Variants in TOX3 observed in about 807,000 individuals in gnomAD.
TOX3 encodes the protein TOX high mobility group box family member 3.
TOX3 carries 22 observed loss-of-function variants against 64.3 expected under a neutral mutation model. The observed-to-expected ratio is 0.34, with a 90% confidence interval of 0.24 to 0.49. TOX3 has a LOEUF of 0.49. Among genes scored for constraint, TOX3 ranks in the 20% least tolerant of loss-of-function variants. The pLI is 0.99. For synonymous variants in TOX3, 291 were observed against 273.6 expected (o/e 1.06, Z -0.63); for missense variants, 661 against 714.4 (o/e 0.93, Z 0.85).
chr16:52,438,921 T>C lies in TOX3; in HGVS notation c.*304A>G. The C allele has an allele frequency of 1.8e-6, 1 of 555,054 alleles. No homozygotes were observed. Among genetic ancestry groups the C allele is most frequent in the Non-Finnish European group, 3.5e-6 (1 of 284,234 alleles). 34.4% of individuals were successfully genotyped at this position (555,054 alleles called of 1,614,324 possible). ...AGGCCAGTTTATAGTCATCAGTATG[T>C]CCCAGGATTCATTAAACAGTTTGAT... On this transcript the variant is annotated 3_prime_UTR_variant, in exon 7 of 7. Transcript: ENST00000219746.
At chr16:52,537,366 A>G (rs964340745) in intron 1 of TOX3, among the ~76,000 whole-genome samples, 12 of 152,284 alleles carry the variant, frequency 7.9e-5, no homozygotes, top group African/African-American at 2.4e-4. Context: ...AGGTTTCTTG[A>G]AGGCAGACCA....
chr16:52,497,767 T>C lies in TOX3; in HGVS notation c.88-29193A>G, dbSNP rs189844243. ...TAATATCTCAGGAGCTAGATGTCCT[T>C]ACAGAGCCAGTTGTGTTTTTTTTAA... On this transcript the variant is annotated intron_variant, in intron 1 of 6. Coordinates refer to ENST00000219746, the MANE Select transcript of TOX3 (RefSeq NM_001080430.4). 2.6e-5 allele frequency among the ~76,000 whole-genome samples: 4 copies of C among 152,266 alleles called. No individual in the cohort carries two copies. In the East Asian group the frequency reaches 7.7e-4, roughly 29 times the overall value.
intron 1 of TOX3, among the ~76,000 whole-genome samples, chr16:52,471,500 A>G (rs1961044716): frequency 6.6e-6 from 1 of 152,208 alleles, no homozygotes; most frequent in African/African-American, 2.4e-5. Flanking sequence ...AGGCAGTGAC[A>G]TCAGTAAACA....
intron 1 of TOX3, among the ~76,000 whole-genome samples, chr16:52,515,011 CAAAAAAAAAAAAAAAAA>C: frequency 6.3e-5 from 1 of 15,842 alleles, no homozygotes; most frequent in East Asian, 2.0e-3. Context: ...GACTCCATCT[CAAAAAAAAAAAAAAAAA>C]AAAAAAAAAA....
rs370542526 is a variant in TOX3, at chr16:52,450,395, C to A, written c.560G>T (p.Gly187Val). 2 of 1,613,908 alleles carry A rather than the reference C, an allele frequency of 1.2e-6. No individual in the cohort carries two copies. Residue 187 changes from glycine to valine, a missense_variant, in exon 4 of 7, where the codon GGG (glycine) becomes GTG (valine). Coordinates refer to ENST00000219746, the MANE Select transcript of TOX3 (RefSeq NM_001080430.4). ...CATACTGGCACCTCCCAAATTCAACCCCAACTGGGCGCTGAGCTGAGACTG... is the reference window on the plus strand; with the variant it reads ...CATACTGGCACCTCCCAAATTCAACACCAACTGGGCGCTGAGCTGAGACTG... ...INQSQLSAQLGLNLGGASMPH... is the reference protein window; with the variant it reads ...INQSQLSAQLVLNLGGASMPH...
chr16:52,490,600 C>CACT (rs2151456989), intron 1 of TOX3, among the ~76,000 whole-genome samples: 1 of 145,146 alleles, frequency 6.9e-6, no homozygotes, highest in African/African-American at 2.6e-5. Context: ...TCATTTTCTT[C>CACT]ACTGAGACCT....
At chr16:52,522,959 C>T (rs1261074876) in intron 1 of TOX3, among the ~76,000 whole-genome samples, 1 of 152,188 alleles carries the variant, frequency 6.6e-6, no homozygotes, top group Admixed American at 6.5e-5. Context: ...GGAGATGAAG[C>T]AACGAACAAA....
intron 6 of TOX3, 82 bp downstream of exon 6, chr16:52,444,194 C>G (rs1180297285): frequency 9.3e-7 from 1 of 1,076,380 alleles, no homozygotes; most frequent in Non-Finnish European, 1.3e-6. Flanking sequence ...TTTAGGGGAG[C>G]TACAAGTATG....
chr16:52,450,456 C>A lies in TOX3; in HGVS notation c.499G>T (p.Gly167Trp). The A allele has an allele frequency of 1.9e-6, 3 of 1,613,998 alleles. No homozygotes were observed. Among genetic ancestry groups the A allele is most frequent in the Non-Finnish European group, 2.5e-6 (3 of 1,179,892 alleles). The change falls in exon 4 of 7, where the codon GGG becomes TGG. Residue 167 changes from glycine to tryptophan, a missense_variant. Around this residue, in one of 3 missense-constraint regions of TOX3, gnomAD observed 259 missense variants for 261.2 expected, o/e 0.99. Transcript: ENST00000219746. ...IVHMTDAARS[G>W]VMPPAQLTTI... ...GTGAGCTGGGCAGGAGGCATGACCC[C>A]AGAACGCGCAGCATCGGTCATGTGG...
At chr16:52,534,647 A>G (rs1323837841) in intron 1 of TOX3, among the ~76,000 whole-genome samples, 1 of 152,054 alleles carries the variant, frequency 6.6e-6, no homozygotes, top group Admixed American at 6.6e-5. Flanking sequence ...TAAAAAAAAC[A>G]AAAAAGAGTT....
chr16:52,468,215 A>G (rs995220452), intron 2 of TOX3, among the ~76,000 whole-genome samples: 17 of 151,650 alleles, frequency 1.1e-4, no homozygotes, highest in African/African-American at 3.6e-4. Flanking sequence ...AACACTGTAT[A>G]TGTGTGTGTG....
chr16:52,525,348 C>T (rs541118794), intron 1 of TOX3, among the ~76,000 whole-genome samples: 134 of 152,202 alleles, frequency 8.8e-4, no homozygotes, highest in African/African-American at 2.9e-3. Flanking sequence ...ATGTGGAGTC[C>T]GGAGTGCCTA....
intron 3 of TOX3, among the ~76,000 whole-genome samples, chr16:52,462,228 T>C (rs1386194925): frequency 6.6e-6 from 1 of 152,150 alleles, no homozygotes; most frequent in Admixed American, 6.5e-5. Flanking sequence ...TCAACTGCTT[T>C]AGTGATTAGC....
intron 1 of TOX3, among the ~76,000 whole-genome samples, chr16:52,500,440 G>A (rs1961971427): frequency 6.6e-6 from 1 of 152,110 alleles, no homozygotes; most frequent in Admixed American, 6.5e-5. Flanking sequence ...ATATCACATG[G>A]CAGTGTTTCA....
intron 1 of TOX3, among the ~76,000 whole-genome samples, chr16:52,539,246 C>G (rs1963025125): frequency 6.6e-6 from 1 of 152,196 alleles, no homozygotes; most frequent in Admixed American, 6.5e-5. Flanking sequence ...TTCCAAATAG[C>G]TATTAAGAGA....
At chr16:52,442,396 G>T (rs1040084203) in intron 6 of TOX3, among the ~76,000 whole-genome samples, 1 of 152,144 alleles carries the variant, frequency 6.6e-6, no homozygotes, top group Non-Finnish European at 1.5e-5. Context: ...TGGGCACAAA[G>T]ATCGACTTCA....
intron 1 of TOX3, among the ~76,000 whole-genome samples, chr16:52,521,808 A>G (rs1174341902): frequency 6.6e-6 from 1 of 152,148 alleles, no homozygotes; most frequent in Non-Finnish European, 1.5e-5. Flanking sequence ...TGAATCAGAA[A>G]CTCTGGGTGT....
chr16:52,445,749 C>T (rs1177589345), intron 5 of TOX3: 6 of 443,390 alleles, frequency 1.4e-5, no homozygotes, highest in South Asian at 4.3e-5. Flanking sequence ...CAGGATACTG[C>T]CTGGATTTCT....
At chr16:52,521,309 A>G (rs1432857989) in intron 1 of TOX3, among the ~76,000 whole-genome samples, 12 of 152,172 alleles carry the variant, frequency 7.9e-5, no homozygotes, top group Admixed American at 7.9e-4. Context: ...CAGCCTACCA[A>G]TGGTAGAAGC....
Sources: allele counts gnomAD v4.1 joint callset (sites outside exome capture counted in the v4.1 genomes callset), GRCh38; gene constraint gnomAD v4.1.1; regional missense constraint gnomAD v4.1.1; transcripts MANE v1.5; gene names NCBI Gene and HGNC (gene_info 2026-07-23, HGNC 2026-07-21).